The following DPP10 variants were observed in gnomAD, a reference collection of about 807,000 sequenced individuals.
The protein encoded by DPP10 is dipeptidyl peptidase like 10.
In DPP10, 33 loss-of-function variants were observed where a neutral mutation model predicts 120.9. The observed-to-expected ratio is 0.27, with a 90% CI of 0.21 to 0.37. The LOEUF (loss-of-function observed/expected upper bound fraction) is 0.37. Ranked by LOEUF, DPP10 falls within the 10% of genes least tolerant of loss-of-function variation. The pLI is 1.00. For missense variants in DPP10, 816 were observed against 942.8 expected, an observed-to-expected ratio of 0.87 and a Z score of 1.76; for synonymous variants, 337 against 326.1, an observed-to-expected ratio of 1.03 and a Z score of -0.36.
intron 1 of DPP10, among the ~76,000 whole-genome samples, chr2:115,065,014 T>C (rs1470448507): frequency 1.3e-5 from 2 of 152,348 alleles, no homozygotes; most frequent in South Asian, 2.1e-4. Context: ...TGAATTATTA[T>C]CCATTTAGAA....
intron 1 of DPP10, among the ~76,000 whole-genome samples, chr2:114,678,387 C>T (rs1270641797): frequency 1.3e-5 from 2 of 151,916 alleles, no homozygotes; most frequent in Non-Finnish European, 2.9e-5. Flanking sequence ...AGTTTTTGTT[C>T]TGTGGGAAAA....
intron 1 of DPP10, among the ~76,000 whole-genome samples, chr2:114,820,645 G>A (rs187272972): frequency 1.2e-3 from 184 of 152,286 alleles, no homozygotes; most frequent in African/African-American, 4.2e-3. Flanking sequence ...GAGATGGAAC[G>A]AGTGCTGAGG....
rs61486476 is a variant in DPP10, at chr2:114,748,351, A to C, written c.60+305513A>C. 8.5e-3 allele frequency among the ~76,000 whole-genome samples: 866 copies of C among 101,300 alleles called. 51 individuals carry two copies. Among genetic ancestry groups the C allele is most frequent in the Admixed American group, 0.012 (117 of 9,806 alleles). 66.5% of individuals were successfully genotyped at this position (101,300 alleles called of 152,430 possible). On this transcript the variant is annotated intron_variant, in intron 1 of 25. Transcript: ENST00000410059. Reference sequence around the variant, plus strand: ...AAAGGGAATTTTCTTTTTTTTTTTTATTTTTTTTTATTTTATTTATTTATT... The same window carrying C: ...AAAGGGAATTTTCTTTTTTTTTTTTCTTTTTTTTTATTTTATTTATTTATT...
At chr2:115,381,311 C>A (rs1050909144) in intron 3 of DPP10, among the ~76,000 whole-genome samples, 6 of 152,222 alleles carry the variant, frequency 3.9e-5, no homozygotes, top group African/African-American at 1.2e-4. Context: ...TTTCATCTTC[C>A]ATCACTAATA....
chr2:114,533,292 T>G (rs1238369168), intron 1 of DPP10, among the ~76,000 whole-genome samples: 5 of 152,202 alleles, frequency 3.3e-5, no homozygotes, highest in Admixed American at 3.3e-4. Context: ...TCTCCTATGT[T>G]GAATGACCTG....
chr2:115,208,277 G>A (rs1464479484), intron 1 of DPP10, among the ~76,000 whole-genome samples: 2 of 144,716 alleles, frequency 1.4e-5, no homozygotes, highest in Non-Finnish European at 3.0e-5. Flanking sequence ...TTGGCTCACT[G>A]CAACCTCTGC....
intron 8 of DPP10, 55 bp from the exon 9 acceptor site, chr2:115,739,684 G>A: frequency 6.4e-7 from 1 of 1,565,780 alleles, no homozygotes; most frequent in Non-Finnish European, 8.8e-7. Context: ...GATGTTTGTG[G>A]GTCACTGAGC....
At chr2:114,504,357 C>T (rs1031863111) in intron 1 of DPP10, among the ~76,000 whole-genome samples, 1 of 152,034 alleles carries the variant, frequency 6.6e-6, no homozygotes, top group African/African-American at 2.4e-5. Flanking sequence ...GTGTATAATC[C>T]ACTTTTCTCT....
intron 1 of DPP10, among the ~76,000 whole-genome samples, chr2:115,156,726 A>C (rs1251899917): frequency 5.9e-5 from 9 of 152,206 alleles, no homozygotes; most frequent in Non-Finnish European, 1.2e-4. Flanking sequence ...TTGGTTATGG[A>C]AACGAGAAAT....
intron 1 of DPP10, among the ~76,000 whole-genome samples, chr2:115,107,428 T>TA (rs2049005085): frequency 7.6e-6 from 1 of 131,888 alleles, no homozygotes; most frequent in Non-Finnish European, 1.7e-5. Context: ...ATAGCTTTTT[T>TA]TTTTTTTTTT....
chr2:114,720,675 A>C (rs1701648029), intron 1 of DPP10, among the ~76,000 whole-genome samples: 1 of 152,220 alleles, frequency 6.6e-6, no homozygotes, highest in South Asian at 2.1e-4. Flanking sequence ...TGTTAGATCC[A>C]CTTCTGTAGT....
At chr2:115,773,139 T>C (rs1681676376) in intron 13 of DPP10, among the ~76,000 whole-genome samples, 1 of 152,192 alleles carries the variant, frequency 6.6e-6, no homozygotes, top group South Asian at 2.1e-4. Context: ...CTGAAAACAA[T>C]GAGCTCATCT....
chr2:114,826,580 G>A (rs766466559), intron 1 of DPP10, among the ~76,000 whole-genome samples: 5 of 152,172 alleles, frequency 3.3e-5, no homozygotes, highest in Admixed American at 6.5e-5. Context: ...ACCCAGGCTA[G>A]CGTGCAATGT....
At chr2:115,226,466 A>G (rs2057438765) in intron 1 of DPP10, among the ~76,000 whole-genome samples, 1 of 152,178 alleles carries the variant, frequency 6.6e-6, no homozygotes, top group South Asian at 2.1e-4. Flanking sequence ...TGTTTCCATG[A>G]AATTCATTTG....
At chr2:115,373,983 G>A (rs183019659) in intron 3 of DPP10, among the ~76,000 whole-genome samples, 7 of 151,974 alleles carry the variant, frequency 4.6e-5, no homozygotes, top group East Asian at 2.0e-4. Context: ...AAAACAAGGC[G>A]GATATCTGCC....
At chr2:115,225,549 C>T (rs898731913) in intron 1 of DPP10, among the ~76,000 whole-genome samples, 7 of 151,450 alleles carry the variant, frequency 4.6e-5, no homozygotes, top group Non-Finnish European at 1.0e-4. Flanking sequence ...ATATCTGGAA[C>T]TCAGGGAAGT....
intron 3 of DPP10, among the ~76,000 whole-genome samples, chr2:115,366,915 G>A (rs550862443): frequency 1.8e-4 from 27 of 152,116 alleles, no homozygotes; most frequent in African/African-American, 5.5e-4. Context: ...TAGGAAGATC[G>A]GTGTTGGTCA....
rs759524358 is a variant in DPP10 at position 115,814,868 on chromosome 2, T to C, written c.1776T>C (p.Asp592=). The C allele has an allele frequency of 6.2e-7, 1 of 1,610,984 alleles. No homozygotes were observed. Among genetic ancestry groups the C allele is most frequent in the East Asian group, 2.2e-5 (1 of 44,824 alleles). ...GGGATTCCGTACTCATTGACATGGATAATGTCATTGTAGCAAGATTTGATG... is the reference window on the plus strand; with the variant it reads ...GGGATTCCGTACTCATTGACATGGACAATGTCATTGTAGCAAGATTTGATG... ...IDWDSVLIDM[D]NVIVARFDGR... is the part of the protein sequence containing the mutation. The change falls in exon 20 of 26, where the codon GAT becomes GAC. Residue 592 remains aspartate, a synonymous_variant. Transcript: ENST00000410059.
chr2:115,090,718 C>T (rs866116583), intron 1 of DPP10, among the ~76,000 whole-genome samples: 5 of 151,772 alleles, frequency 3.3e-5, no homozygotes, highest in African/African-American at 4.8e-5. Flanking sequence ...CTCTCTCTTA[C>T]GGTCTAAGAG....
Sources: gnomAD v4.1 joint callset for allele counts (sites outside exome capture counted in the v4.1 genomes callset) on GRCh38, gnomAD v4.1.1 for gene constraint, MANE v1.5 for transcripts, NCBI Gene and HGNC (gene_info 2026-07-23, HGNC 2026-07-21) for gene names.